The following CDC123 variants were observed in gnomAD, a reference collection of about 807,000 sequenced individuals.
CDC123 encodes translation initiation factor eIF2 assembly protein.
In CDC123, 37 loss-of-function variants were observed where a neutral mutation model predicts 54.4. The observed-to-expected ratio is 0.68, with a 90% confidence interval of 0.52 to 0.89. CDC123 has a LOEUF of 0.89. Ranked by LOEUF, CDC123 falls within the 40% of genes least tolerant of loss-of-function variation. The pLI, the probability that CDC123 is intolerant of heterozygous loss-of-function variation, is 0.00. For synonymous variants in CDC123, 144 were observed against 136.8 expected, an observed-to-expected ratio of 1.05 and a Z score of -0.37; for missense variants, 361 against 412.1, an observed-to-expected ratio of 0.88 and a Z score of 1.07.
rs575573212 is a variant in CDC123 at position 12,228,854 on chromosome 10, G to A, written c.441-2094G>A. Among the ~76,000 whole-genome samples the A allele has an allele frequency of 2.6e-5, 4 of 152,320 alleles. No homozygotes were observed. The South Asian group carries it at 6.2e-4, about 24-fold the overall frequency. On this transcript the variant is annotated intron_variant, in intron 6 of 12. Transcript: ENST00000281141. ...CAAAGTGCTGGGATTATAGGCGTGA[G>A]CCACTGCGCCTGGCCACGCCTGGCT...
rs1835630612 is a variant in CDC123, at chr10:12,213,654, G to GAT, written c.238-2084_238-2083dup. On this transcript the variant is annotated intron_variant, in intron 4 of 12. Transcript: ENST00000281141. ...GTGTCAGTGTTAGTTCCGTGATTTT[G>GAT]ATAGATAATTTATAGAAAATGGTAA... is the stretch of plus-strand genomic sequence containing the variant. Among the ~76,000 whole-genome samples the GAT allele has an allele frequency of 2.0e-5, 3 of 151,896 alleles. No individual in the cohort carries two copies. The South Asian group carries it at 6.2e-4, about 32-fold the overall frequency.
At chr10:12,211,614 C>T (rs1234597861) in intron 4 of CDC123, among the ~76,000 whole-genome samples, 2 of 152,114 alleles carry the variant, frequency 1.3e-5, no homozygotes, top group East Asian at 3.9e-4. Flanking sequence ...GTGAGATGAA[C>T]AAAGATGAAT....
chr10:12,242,468 C>G (rs1337951554), intron 10 of CDC123, among the ~76,000 whole-genome samples: 1 of 152,130 alleles, frequency 6.6e-6, no homozygotes, highest in African/African-American at 2.4e-5. Flanking sequence ...TGGAAGGAGT[C>G]GATTTTGTGT....
At chr10:12,218,621 C>G (rs1478980479) in intron 6 of CDC123, among the ~76,000 whole-genome samples, 1 of 152,160 alleles carries the variant, frequency 6.6e-6, no homozygotes, top group African/African-American at 2.4e-5. Flanking sequence ...TTTTCCATTC[C>G]CTTAGTGCTG....
chr10:12,211,948 C>T (rs1835608388), intron 4 of CDC123, among the ~76,000 whole-genome samples: 1 of 152,098 alleles, frequency 6.6e-6, no homozygotes, highest in South Asian at 2.1e-4. Context: ...GCTAGCCAGG[C>T]ATGGTGGTAG....
rs145280974 is a variant in CDC123 at position 12,249,114 on chromosome 10, C to T, written c.847-467C>T. Among the ~76,000 whole-genome samples, 1,099 of 132,920 alleles carry T rather than the reference C, an allele frequency of 8.3e-3. 20 individuals carry two copies. Among genetic ancestry groups the T allele is most frequent in the African/African-American group, 0.029 (1,013 of 35,372 alleles). The allele number at this position is 132,920 out of a possible 152,430, so 87.2% of individuals were successfully genotyped here. A position where few individuals can be genotyped will look rare whatever the true frequency, so the allele number is the denominator to read the frequency against. ...CCTGCACTCCAGTCTGAGAACAGAG[C>T]GAGACTTTGCCTCAAAAAAAAAAAA... is the stretch of plus-strand genomic sequence containing the variant. On this transcript the variant is annotated intron_variant, in intron 11 of 12. Coordinates refer to ENST00000281141, the MANE Select transcript of CDC123 (RefSeq NM_006023.3).
chr10:12,198,657 T>G, intron 1 of CDC123, 48 bp from the exon 2 acceptor site: 1 of 966,910 alleles, frequency 1.0e-6, no homozygotes, highest in Non-Finnish European at 1.6e-6. Context: ...TCTCTCTGCT[T>G]ATAGTTGGTC....
intron 11 of CDC123, among the ~76,000 whole-genome samples, chr10:12,249,170 A>C (rs1564261991): frequency 1.3e-5 from 2 of 148,986 alleles, no homozygotes; most frequent in Non-Finnish European, 3.0e-5. Context: ...GCAACAGCCC[A>C]CCTAGCCTAT....
chr10:12,220,329 G>A (rs957694680), intron 6 of CDC123, among the ~76,000 whole-genome samples: 1 of 152,186 alleles, frequency 6.6e-6, no homozygotes, highest in Non-Finnish European at 1.5e-5. Context: ...ATGTTCCAGT[G>A]GATGGTATGA....
intron 11 of CDC123, chr10:12,247,572 T>G (rs369129895): frequency 2.6e-5 from 4 of 152,426 alleles, no homozygotes; most frequent in Admixed American, 6.6e-5. Context: ...CTGCTCTTTT[T>G]GCAATTCTTC....
intron 10 of CDC123, 133 bp downstream of exon 10, chr10:12,238,618 G>T: frequency 9.5e-7 from 1 of 1,054,324 alleles, no homozygotes; most frequent in Non-Finnish European, 1.3e-6. Flanking sequence ...GCTCATGCCT[G>T]TATTCCCAGC....
At chr10:12,230,250 T>G (rs767934853) in intron 6 of CDC123, among the ~76,000 whole-genome samples, 1 of 151,960 alleles carries the variant, frequency 6.6e-6, no homozygotes, top group Non-Finnish European at 1.5e-5. Context: ...TGGAGTTCAG[T>G]GGCACTGTCT....
intron 6 of CDC123, among the ~76,000 whole-genome samples, chr10:12,220,849 C>T (rs1266691683): frequency 5.3e-5 from 8 of 151,930 alleles, no homozygotes; most frequent in Admixed American, 5.2e-4. Context: ...TGGTGGCGGG[C>T]GCCTGCAGTC....
At chr10:12,210,081 G>A in intron 3 of CDC123, 57 bp downstream of exon 3, 1 of 1,569,308 alleles carries the variant, frequency 6.4e-7, no homozygotes. Flanking sequence ...AATGATCTCT[G>A]AGATGGTTCT....
intron 2 of CDC123, among the ~76,000 whole-genome samples, chr10:12,208,578 A>G (rs944652076): frequency 1.3e-5 from 2 of 152,128 alleles, no homozygotes; most frequent in Non-Finnish European, 2.9e-5. Flanking sequence ...ATAAGATGGT[A>G]CTTGTGCTGT....
At chr10:12,238,434 C>A in intron 9 of CDC123, 23 bp from the exon 10 acceptor site, 2 of 1,595,974 alleles carry the variant, frequency 1.3e-6, no homozygotes, top group Non-Finnish European at 1.7e-6. Context: ...TCATTAATAA[C>A]TGACTTTTTT....
intron 4 of CDC123, among the ~76,000 whole-genome samples, chr10:12,211,862 A>G (rs1054099440): frequency 6.6e-6 from 1 of 152,196 alleles, no homozygotes; most frequent in Admixed American, 6.5e-5. Context: ...TAATTCCAGC[A>G]CTTTGGGAGG....
intron 5 of CDC123, 104 bp downstream of exon 5, chr10:12,215,939 G>T: frequency 1.6e-6 from 1 of 623,544 alleles, no homozygotes; most frequent in South Asian, 2.7e-5. Flanking sequence ...CCTAATTCTA[G>T]GAAAAATACT....
intron 2 of CDC123, among the ~76,000 whole-genome samples, chr10:12,200,072 C>T (rs1223007695): frequency 5.5e-5 from 8 of 146,782 alleles, no homozygotes; most frequent in Non-Finnish European, 1.0e-4. Context: ...CTGGCTGCCT[C>T]GGCCTCCCAA....
Sources: allele counts gnomAD v4.1 joint callset (sites outside exome capture counted in the v4.1 genomes callset), GRCh38; gene constraint gnomAD v4.1.1; transcripts MANE v1.5; gene names NCBI Gene and HGNC (gene_info 2026-07-23, HGNC 2026-07-21).